Variants in HEATR5A observed in about 807,000 individuals in gnomAD.
The protein encoded by HEATR5A is HEAT repeat-containing protein 5A.
In HEATR5A, 178 loss-of-function variants were observed where a neutral mutation model predicts 218.8. The ratio of observed to expected loss-of-function variants is 0.81; its 90% confidence interval spans 0.72 to 0.92. The LOEUF is 0.92. Among genes scored for constraint, HEATR5A ranks in the 40% least tolerant of loss-of-function variants. The pLI, the probability that HEATR5A is intolerant of heterozygous loss-of-function variation, is 0.00. For synonymous variants in HEATR5A, 864 were observed against 871.6 expected, an observed-to-expected ratio of 0.99 and a Z score of 0.15; for missense variants, 2,420 against 2,418.9, an observed-to-expected ratio of 1.00 and a Z score of -0.01.
Position 31,343,984 on chromosome 14 carries a change from A to G in HEATR5A, c.3140T>C (p.Val1047Ala). 2 of 1,611,964 alleles carry G rather than the reference A, an allele frequency of 1.2e-6. No homozygotes were observed. Among genetic ancestry groups the G allele is most frequent in the Middle Eastern group, 1.7e-4 (1 of 6,052 alleles). The change falls in exon 21 of 36, where the codon GTT becomes GCT. Residue 1047 changes from valine (V) to alanine (A), a missense_variant. By Grantham distance (64) the Val-to-Ala change is moderately conservative. Coordinates refer to ENST00000543095, the MANE Select transcript of HEATR5A (RefSeq NM_015473.4). Reference sequence around the variant, plus strand: ...AAGGCAAGAGATGGCCTGAGCTTGAACAAGGCAGTCTGGGTTATCTTGCAT... The same window carrying G: ...AAGGCAAGAGATGGCCTGAGCTTGAGCAAGGCAGTCTGGGTTATCTTGCAT... ...AVMQDNPDCL[V>A]QAQAISCLQQ... is the part of the protein sequence containing the mutation.
intron 1 of HEATR5A, among the ~76,000 whole-genome samples, chr14:31,410,961 A>G (rs555795306): frequency 9.8e-4 from 149 of 152,318 alleles, no homozygotes; most frequent in African/African-American, 3.5e-3. Context: ...AAAAATTTGA[A>G]ATGTTAACAA....
intron 13 of HEATR5A, among the ~76,000 whole-genome samples, chr14:31,369,831 G>C (rs2096145371): frequency 6.6e-6 from 1 of 151,642 alleles, no homozygotes; most frequent in Admixed American, 6.6e-5. Flanking sequence ...AGGAAGCTGA[G>C]GCAGAAGAAT....
intron 28 of HEATR5A, among the ~76,000 whole-genome samples, chr14:31,311,194 C>T (rs1012646008): frequency 3.3e-5 from 5 of 152,106 alleles, no homozygotes; most frequent in African/African-American, 1.2e-4. Flanking sequence ...TTAAGAGCGG[C>T]TACAAAGTAA....
chr14:31,371,622 T>C (rs1056204927), intron 13 of HEATR5A, 188 bp downstream of exon 13: 2 of 401,458 alleles, frequency 5.0e-6, no homozygotes, highest in Admixed American at 4.5e-5. Context: ...ATTATTCCCC[T>C]AAAATTTTCC....
intron 26 of HEATR5A, among the ~76,000 whole-genome samples, chr14:31,316,209 G>A (rs550988963): frequency 3.9e-4 from 59 of 152,138 alleles, no homozygotes; most frequent in Non-Finnish European, 7.2e-4. Flanking sequence ...ATGAGCCCAT[G>A]AGTGTGAGGC....
intron 33 of HEATR5A, among the ~76,000 whole-genome samples, chr14:31,298,993 C>T (rs911768772): frequency 6.6e-6 from 1 of 152,144 alleles, no homozygotes; most frequent in African/African-American, 2.4e-5. Context: ...GCTGACCACT[C>T]CCTCTTTATT....
At chr14:31,347,506 T>C (rs1901062447) in intron 19 of HEATR5A, among the ~76,000 whole-genome samples, 1 of 152,202 alleles carries the variant, frequency 6.6e-6, no homozygotes, top group South Asian at 2.1e-4. Context: ...CCACCACTTC[T>C]AGCCCAAAGC....
At chr14:31,318,467 T>C (rs1899980507) in intron 25 of HEATR5A, among the ~76,000 whole-genome samples, 175 bp from the exon 26 acceptor site, 1 of 152,214 alleles carries the variant, frequency 6.6e-6, no homozygotes, top group South Asian at 2.1e-4. Context: ...CAATTTTACC[T>C]TCGGGGAACG....
chr14:31,413,743 A>G lies in HEATR5A; in HGVS notation c.-75+6729T>C, dbSNP rs1779391356. Among the ~76,000 whole-genome samples, 3 of 152,228 alleles carry G rather than the reference A, an allele frequency of 2.0e-5. No individual in the cohort carries two copies. The South Asian group carries it at 6.2e-4, about 31-fold the overall frequency. The stretch of plus-strand genomic sequence containing the variant: ...TATTCTAATTTTACATAGAAAGATA[A>G]TGAGCTAAGAAATTTGTCCGAGGCT... On this transcript the variant is annotated intron_variant, in intron 1 of 35. Coordinates refer to ENST00000543095, the MANE Select transcript of HEATR5A (RefSeq NM_015473.4).
In HEATR5A at chr14:31,334,071, A is replaced by G. The variant is rs117318837; in HGVS notation, c.3367+3405T>C. ...AAAAAAAAAAAAAGAACTATGCCAA[A>G]TCTGCCTGGATGATAGCATATCTGT... On this transcript the variant is annotated intron_variant, in intron 22 of 35. Transcript: ENST00000543095. Among the ~76,000 whole-genome samples the G allele has an allele frequency of 4.2e-4, 63 of 150,246 alleles. No homozygotes were observed. In the East Asian group the frequency reaches 6.8e-3, roughly 16 times the overall value.
rs1453213241 is a variant in HEATR5A, at chr14:31,337,579, T to C, written c.3264A>G (p.Arg1088=). The C allele has an allele frequency of 6.2e-7, 1 of 1,600,284 alleles. No homozygotes were observed. Among genetic ancestry groups the C allele is most frequent in the Admixed American group, 1.7e-5 (1 of 57,896 alleles). The part of the protein sequence containing the change: ...NLCSPYLLLR[R]AVLACLRQLV... ...GCTGACGTAAGCAAGCCAGTACTGC[T>C]CTTCTCAGTAACAAGTAGGGGCTAC... The change falls in exon 22 of 36, where the codon AGA becomes AGG. Residue 1088 remains arginine (R), a synonymous_variant. Coordinates refer to ENST00000543095, the MANE Select transcript of HEATR5A (RefSeq NM_015473.4).
At chr14:31,311,032 A>T (rs1899731787) in intron 28 of HEATR5A, among the ~76,000 whole-genome samples, 1 of 73,200 alleles carries the variant, frequency 1.4e-5, no homozygotes, top group Non-Finnish European at 4.2e-5. Context: ...CAACCAACCA[A>T]CCAACCAACC....
chr14:31,305,254 C>G, intron 31 of HEATR5A, 77 bp from the exon 32 acceptor site: 1 of 1,420,096 alleles, frequency 7.0e-7, no homozygotes, highest in Non-Finnish European at 9.6e-7. Context: ...AATCCTGTTA[C>G]AGGAAATACA....
At chr14:31,294,687 AGAC>A in intron 34 of HEATR5A, among the ~76,000 whole-genome samples, 1 of 152,258 alleles carries the variant, frequency 6.6e-6, no homozygotes, top group East Asian at 1.9e-4. Flanking sequence ...CTGGGATTAC[AGAC>A]ATGAGCCACC....
At chr14:31,303,900 A>AT (rs1401954178) in intron 32 of HEATR5A, among the ~76,000 whole-genome samples, 1 of 152,150 alleles carries the variant, frequency 6.6e-6, no homozygotes, top group Non-Finnish European at 1.5e-5. Context: ...AGAACCTTAA[A>AT]TGCTATGTTA....
chr14:31,323,374 C>T (rs2139168915), intron 24 of HEATR5A, among the ~76,000 whole-genome samples, 191 bp downstream of exon 24: 2 of 151,666 alleles, frequency 1.3e-5, no homozygotes, highest in African/African-American at 4.8e-5. Flanking sequence ...GTTGCCCAGG[C>T]TGGTTTCAAA....
intron 14 of HEATR5A, 27 bp downstream of exon 14, chr14:31,364,162 A>G: frequency 9.6e-7 from 1 of 1,039,660 alleles, no homozygotes. Context: ...CCACAAACAA[A>G]AAAACATTTT....
intron 11 of HEATR5A, among the ~76,000 whole-genome samples, chr14:31,377,646 G>T (rs536105897): frequency 2.0e-5 from 3 of 152,076 alleles, no homozygotes; most frequent in Admixed American, 2.0e-4. Flanking sequence ...GCCAGGCAGG[G>T]TGGTGCACAC....
At chr14:31,379,397 T>G (rs1003202531) in intron 11 of HEATR5A, among the ~76,000 whole-genome samples, 4 of 151,804 alleles carry the variant, frequency 2.6e-5, no homozygotes, top group African/African-American at 9.7e-5. Context: ...ACTACAGGCA[T>G]GCACCACCAT....
Sources: gnomAD v4.1 joint callset for allele counts (sites outside exome capture counted in the v4.1 genomes callset) on GRCh38, gnomAD v4.1.1 for gene constraint, MANE v1.5 for transcripts, NCBI Gene and HGNC (gene_info 2026-07-23, HGNC 2026-07-21) for gene names.